CSMD1: variants seen among roughly 807,000 people sequenced by gnomAD.
The protein encoded by CSMD1 is CUB and sushi domain-containing protein 1.
A neutral mutation model predicts 417.5 loss-of-function variants in CSMD1; 213 were observed. The ratio of observed to expected loss-of-function variants is 0.51; its 90% confidence interval spans 0.46 to 0.57. The LOEUF (loss-of-function observed/expected upper bound fraction) is 0.57. Ranked by LOEUF, CSMD1 falls within the 20% of genes least tolerant of loss-of-function variation. CSMD1 has a pLI of 0.00. For missense variants in CSMD1, 6,923 were observed against 4,529.7 expected (o/e 1.53, Z -15.17); for synonymous variants, 2,862 against 1,736.8 (o/e 1.65, Z -16.11).
At chr8:4,941,300 T>C (rs1807982492) in intron 1 of CSMD1, among the ~76,000 whole-genome samples, 4 of 152,302 alleles carry the variant, frequency 2.6e-5, no homozygotes, top group South Asian at 4.2e-4. Flanking sequence ...TTTGATGTAA[T>C]ATACTTTGTT....
In CSMD1 at chr8:3,193,162, C is replaced by G. The variant is rs570308416; in HGVS notation, c.5195-3047G>C. The stretch of plus-strand genomic sequence containing the variant: ...GAGAGCTATGCAAACATATTTGTAC[C>G]TTTGAGAGATACAGGGTATCACTAT... On this transcript the variant is annotated intron_variant, in intron 33 of 69. Coordinates refer to ENST00000635120, the MANE Select transcript of CSMD1 (RefSeq NM_033225.6). Among the ~76,000 whole-genome samples the G allele has an allele frequency of 7.9e-5, 12 of 152,152 alleles. No homozygotes were observed. The East Asian group carries it at 2.1e-3, about 27-fold the overall frequency.
rs997744624 is a variant in CSMD1 at position 4,120,190 on chromosome 8, G to A, written c.416-88091C>T. Among the ~76,000 whole-genome samples, 5 of 152,054 alleles carry A rather than the reference G, an allele frequency of 3.3e-5. No individual in the cohort carries two copies. In the East Asian group the frequency reaches 5.8e-4, roughly 18 times the overall value. On this transcript the variant is annotated intron_variant, in intron 3 of 69. Transcript: ENST00000635120. ...CCCCATAAATATATACACCTATTGT[G>A]TATCCACAAAATTTAAAATAAAAAA...
At chr8:4,056,365 G>A (rs989748001) in intron 3 of CSMD1, among the ~76,000 whole-genome samples, 1 of 150,948 alleles carries the variant, frequency 6.6e-6, no homozygotes, top group African/African-American at 2.4e-5. Flanking sequence ...TTATAGGCAT[G>A]AGCCACCATG....
chr8:4,288,774 C>A (rs561434701), intron 3 of CSMD1, among the ~76,000 whole-genome samples: 1 of 152,166 alleles, frequency 6.6e-6, no homozygotes, highest in African/African-American at 2.4e-5. Flanking sequence ...AGATCTGATA[C>A]CTGTCAGGTC....
At chr8:4,495,178 T>C (rs1801917383) in intron 2 of CSMD1, among the ~76,000 whole-genome samples, 2 of 152,118 alleles carry the variant, frequency 1.3e-5, no homozygotes, top group African/African-American at 4.8e-5. Flanking sequence ...ATACTTAGCA[T>C]TACCCAGAAT....
chr8:3,976,827 T>G (rs1813471938), intron 5 of CSMD1, among the ~76,000 whole-genome samples: 1 of 152,090 alleles, frequency 6.6e-6, no homozygotes, highest in African/African-American at 2.4e-5. Flanking sequence ...ATCTGTGACC[T>G]CAACCACTGC....
intron 10 of CSMD1, among the ~76,000 whole-genome samples, chr8:3,561,197 G>A (rs1799453037): frequency 6.6e-6 from 1 of 152,198 alleles, no homozygotes; most frequent in Admixed American, 6.5e-5. Flanking sequence ...CAATGTAAAT[G>A]AGTAAGCCTC....
chr8:3,314,416 C>G (rs572041420), intron 23 of CSMD1, among the ~76,000 whole-genome samples: 5 of 152,232 alleles, frequency 3.3e-5, no homozygotes, highest in African/African-American at 9.6e-5. Flanking sequence ...CAGAAGGTAT[C>G]CTTTTCTATC....
chr8:4,669,620 G>C (rs1585422909), intron 1 of CSMD1, among the ~76,000 whole-genome samples: 1 of 152,104 alleles, frequency 6.6e-6, no homozygotes, highest in East Asian at 1.9e-4. Flanking sequence ...TTTCTGTTTA[G>C]AAACTTTTTT....
intron 3 of CSMD1, among the ~76,000 whole-genome samples, chr8:4,149,444 G>A (rs1366468553): frequency 6.6e-6 from 1 of 152,006 alleles, no homozygotes; most frequent in African/African-American, 2.4e-5. Flanking sequence ...TCTACATAAG[G>A]GCCAATAAAA....
intron 15 of CSMD1, among the ~76,000 whole-genome samples, chr8:3,402,154 C>T (rs921014855): frequency 1.3e-5 from 2 of 152,136 alleles, no homozygotes; most frequent in African/African-American, 4.8e-5. Flanking sequence ...CTGTCTTCTC[C>T]ATTATCTGTG....
At chr8:3,861,552 G>A (rs375924868) in intron 5 of CSMD1, among the ~76,000 whole-genome samples, 8 of 152,256 alleles carry the variant, frequency 5.3e-5, no homozygotes, top group South Asian at 2.1e-4. Flanking sequence ...TTAACTCCAC[G>A]TGAGCATTAC....
intron 2 of CSMD1, among the ~76,000 whole-genome samples, chr8:4,531,533 G>T (rs940554607): frequency 1.3e-5 from 2 of 152,130 alleles, no homozygotes; most frequent in African/African-American, 4.8e-5. Context: ...CAGAAGGTTG[G>T]AAGGAAGGTG....
chr8:4,868,481 C>T (rs1802545903), intron 1 of CSMD1, among the ~76,000 whole-genome samples: 1 of 152,034 alleles, frequency 6.6e-6, no homozygotes, highest in Admixed American at 6.5e-5. Context: ...GGTGATCCGC[C>T]TGCCTCGGTC....
At chr8:4,320,239 A>C (rs7827235) in intron 3 of CSMD1, among the ~76,000 whole-genome samples, 3,126 of 152,332 alleles carry the variant, frequency 0.021, 101 homozygotes, top group African/African-American at 0.072. Flanking sequence ...CCAGGCATGA[A>C]AAGAAACAGG....
chr8:4,309,313 T>A (rs68093566), intron 3 of CSMD1, among the ~76,000 whole-genome samples: 96,164 of 151,904 alleles, frequency 0.63, 31,430 homozygotes, highest in East Asian at 0.86. Flanking sequence ...CTATTTAGCA[T>A]GTTATTTTAT....
intron 1 of CSMD1, among the ~76,000 whole-genome samples, chr8:4,655,353 T>C (rs1311053846): frequency 6.6e-6 from 1 of 152,034 alleles, no homozygotes; most frequent in Non-Finnish European, 1.5e-5. Context: ...TGCTGAAGGT[T>C]TGAAAGTGGC....
chr8:4,988,737 G>T (rs1014749837), intron 1 of CSMD1, among the ~76,000 whole-genome samples: 1 of 152,174 alleles, frequency 6.6e-6, no homozygotes, highest in Non-Finnish European at 1.5e-5. Context: ...TAAAGTACAG[G>T]TTGATACAAA....
intron 2 of CSMD1, among the ~76,000 whole-genome samples, chr8:4,429,784 A>G (rs1445414203): frequency 6.6e-6 from 1 of 152,138 alleles, no homozygotes; most frequent in Non-Finnish European, 1.5e-5. Context: ...GTATTTGTTG[A>G]AATATACCGG....
Sources: gnomAD v4.1 joint callset for allele counts (sites outside exome capture counted in the v4.1 genomes callset) on GRCh38, gnomAD v4.1.1 for gene constraint, MANE v1.5 for transcripts, NCBI Gene and HGNC (gene_info 2026-07-23, HGNC 2026-07-21) for gene names.